The following ADAMTS14 variants were observed in gnomAD, a reference collection of about 807,000 sequenced individuals.
ADAMTS14 encodes ADAM metallopeptidase with thrombospondin type 1 motif 14, also known as A disintegrin and metalloproteinase with thrombospondin motifs 14.
A neutral mutation model predicts 128.6 loss-of-function variants in ADAMTS14; 100 were observed. The observed-to-expected ratio is 0.78, with a 90% CI of 0.66 to 0.92. The LOEUF (loss-of-function observed/expected upper bound fraction) is 0.92, where lower values mean the gene tolerates loss of function less well. Among genes scored for constraint, ADAMTS14 ranks in the 40% least tolerant of loss-of-function variants. The pLI is 0.00. For missense variants in ADAMTS14, 1,562 were observed against 1,658.6 expected, an observed-to-expected ratio of 0.94 and a Z score of 1.01; for synonymous variants, 665 against 653.8, an observed-to-expected ratio of 1.02 and a Z score of -0.26.
intron 5 of ADAMTS14, 122 bp downstream of exon 5, chr10:70,729,499 C>A: frequency 1.2e-6 from 1 of 845,046 alleles, no homozygotes. Flanking sequence ...AGAATCAGAA[C>A]TTGAGGCTAT....
chr10:70,705,014 C>G (rs1028009057), intron 3 of ADAMTS14, among the ~76,000 whole-genome samples: 18 of 152,140 alleles, frequency 1.2e-4, no homozygotes, highest in Non-Finnish European at 1.5e-4. Context: ...CTCACACACC[C>G]CTTCACACAC....
chr10:70,740,973 T>A lies in ADAMTS14; in HGVS notation c.1749-14T>A. On this transcript the variant is annotated splice_polypyrimidine_tract_variant and intron_variant, in intron 11 of 21. Transcript: ENST00000373207. ...CAGCCAGCAAGGTCATCCATTTCTCTGTGTCTGTCCCAGCCCAGCCTATGG... is the reference window on the plus strand; with the variant it reads ...CAGCCAGCAAGGTCATCCATTTCTCAGTGTCTGTCCCAGCCCAGCCTATGG... 6.2e-7 allele frequency: 1 copy of A among 1,611,732 alleles called. No homozygotes were observed. Among genetic ancestry groups the A allele is most frequent in the Non-Finnish European group, 8.5e-7 (1 of 1,178,138 alleles).
At chr10:70,744,710 C>T (rs113930718) in intron 14 of ADAMTS14, among the ~76,000 whole-genome samples, 3 of 152,244 alleles carry the variant, frequency 2.0e-5, no homozygotes, top group African/African-American at 7.2e-5. Flanking sequence ...ATAAATGGGG[C>T]CTATTTTCCC....
At chr10:70,730,290 G>A (rs377588157) in intron 6 of ADAMTS14, 41 bp downstream of exon 6, 3 of 1,587,456 alleles carry the variant, frequency 1.9e-6, no homozygotes, top group Middle Eastern at 1.7e-4. Flanking sequence ...GGTGTGTGCA[G>A]CATGCACGGC....
intron 4 of ADAMTS14, among the ~76,000 whole-genome samples, chr10:70,713,703 G>T (rs956484313): frequency 2.6e-5 from 4 of 151,010 alleles, no homozygotes; most frequent in South Asian, 2.1e-4. Context: ...TGACTAGAAG[G>T]TTGGTTTGGG....
chr10:70,743,937 A>G, intron 13 of ADAMTS14, 129 bp from the exon 14 acceptor site: 2 of 1,324,486 alleles, frequency 1.5e-6, no homozygotes, highest in South Asian at 3.0e-5. Flanking sequence ...TCGTGCCAGA[A>G]TCCTGTCCAG....
intron 19 of ADAMTS14, among the ~76,000 whole-genome samples, chr10:70,755,599 C>T (rs1284161507): frequency 6.6e-6 from 1 of 152,238 alleles, no homozygotes; most frequent in Non-Finnish European, 1.5e-5. Context: ...AATCCCACCA[C>T]TTTGGGAAGC....
chr10:70,724,445 T>A (rs1191376517), intron 4 of ADAMTS14, among the ~76,000 whole-genome samples: 1 of 152,046 alleles, frequency 6.6e-6, no homozygotes, highest in African/African-American at 2.4e-5. Flanking sequence ...TCACCTCTGG[T>A]GTTTGGGAGG....
chr10:70,760,337 T>C, intron 21 of ADAMTS14, 23 bp from the exon 22 acceptor site: 1 of 1,518,064 alleles, frequency 6.6e-7, no homozygotes, highest in South Asian at 1.3e-5. Context: ...GCTTCCATCC[T>C]TGTCCTTGTG....
chr10:70,751,642 A>G lies in ADAMTS14; in HGVS notation c.2592A>G (p.Gly864=), dbSNP rs1168537741. Residue 864 remains glycine (G), a synonymous_variant, in exon 17 of 22, where the codon GGA becomes GGG. Transcript: ENST00000373207. ...KSWAPCSKAC[G]GGIQFTKYGC... is the part of the protein sequence containing the mutation. ...GGGCCCCCTGCAGCAAGGCCTGTGGAGGAGGTACCGGTTCCCTGACCCGCC... is the reference window on the plus strand; with the variant it reads ...GGGCCCCCTGCAGCAAGGCCTGTGGGGGAGGTACCGGTTCCCTGACCCGCC... The G allele has an allele frequency of 1.9e-6, 3 of 1,603,978 alleles. No homozygotes were observed. The highest frequency in any genetic ancestry group is 2.6e-6 in the Non-Finnish European group (3 of 1,171,682).
intron 4 of ADAMTS14, among the ~76,000 whole-genome samples, chr10:70,719,160 A>G (rs898550854): frequency 6.6e-6 from 1 of 152,062 alleles, no homozygotes; most frequent in Admixed American, 6.5e-5. Flanking sequence ...GATCATCCAC[A>G]TCAAATTGTC....
intron 3 of ADAMTS14, among the ~76,000 whole-genome samples, chr10:70,707,327 A>G (rs1840698347): frequency 6.6e-6 from 1 of 152,192 alleles, no homozygotes; most frequent in Non-Finnish European, 1.5e-5. Flanking sequence ...CCTCAGTCCC[A>G]GCCTCCTATC....
chr10:70,739,471 G>A (rs1315080240), intron 11 of ADAMTS14, among the ~76,000 whole-genome samples: 1 of 151,842 alleles, frequency 6.6e-6, no homozygotes, highest in African/African-American at 2.4e-5. Flanking sequence ...AGCATTCTGG[G>A]GGAGATGTCC....
At position 70,762,102 on chromosome 10, in the gene ADAMTS14, G is replaced by C. The variant is rs1842624517; in HGVS notation, c.*1249G>C. 2 of 152,778 alleles carry C rather than the reference G, an allele frequency of 1.3e-5. No individual in the cohort carries two copies. Among genetic ancestry groups the C allele is most frequent in the Non-Finnish European group, 2.9e-5 (2 of 68,136 alleles). The allele number at this position is 152,778 out of a possible 1,614,324, so 9.5% of individuals were successfully genotyped here. A position where few individuals can be genotyped will look rare whatever the true frequency, so the allele number is the denominator to read the frequency against. On this transcript the variant is annotated 3_prime_UTR_variant, in exon 22 of 22. Coordinates refer to ENST00000373207, the MANE Select transcript of ADAMTS14 (RefSeq NM_080722.4). ...CCTCTGGCTCTCAGGAAGTGGCAGG[G>C]GGTCCCAGGACACCTCCGGGGTCTT...
chr10:70,694,988 C>T (rs950211740), intron 2 of ADAMTS14, among the ~76,000 whole-genome samples: 12 of 152,190 alleles, frequency 7.9e-5, no homozygotes, highest in African/African-American at 2.7e-4. Flanking sequence ...TTTACATTCC[C>T]ACCAATGTAT....
intron 2 of ADAMTS14, among the ~76,000 whole-genome samples, chr10:70,687,906 C>A (rs1241707548): frequency 4.6e-5 from 4 of 87,142 alleles, no homozygotes; most frequent in African/African-American, 1.7e-4. Context: ...GCTGTCCGGG[C>A]GGGGGGGCTG....
chr10:70,745,094 G>A, intron 14 of ADAMTS14, 132 bp from the exon 15 acceptor site: 5 of 802,242 alleles, frequency 6.2e-6, no homozygotes, highest in Non-Finnish European at 1.0e-5. Flanking sequence ...TACAAATGAG[G>A]ATACAGAGAT....
At chr10:70,755,538 C>T (rs965761318) in intron 19 of ADAMTS14, among the ~76,000 whole-genome samples, 16 of 152,030 alleles carry the variant, frequency 1.1e-4, no homozygotes, top group Non-Finnish European at 2.2e-4. Flanking sequence ...GCCACTGAAC[C>T]ATAGACTTAA....
Position 70,743,546 on chromosome 10 carries a change from A to G in ADAMTS14, c.1925-2A>G. 1 of 1,612,198 alleles carries G rather than the reference A, an allele frequency of 6.2e-7. No homozygotes were observed. The highest frequency in any genetic ancestry group is 2.2e-5 in the East Asian group (1 of 44,818). On this transcript the variant is annotated splice_acceptor_variant, in intron 12 of 21. Coordinates refer to ENST00000373207, the MANE Select transcript of ADAMTS14 (RefSeq NM_080722.4). LOFTEE classifies it high-confidence loss of function. ...GACTCAGCATAGTCCCTCTCCCTAC[A>G]GACGCCCAGAAGTGTGAGCTGATCT...
Sources: gnomAD v4.1 joint callset for allele counts (sites outside exome capture counted in the v4.1 genomes callset) on GRCh38, gnomAD v4.1.1 for gene constraint, MANE v1.5 for transcripts, NCBI Gene and HGNC (gene_info 2026-07-23, HGNC 2026-07-21) for gene names.